Variants in TMEFF1 observed in about 807,000 individuals in gnomAD.
TMEFF1 encodes tomoregulin-1.
A neutral mutation model predicts 47.5 loss-of-function variants in TMEFF1; 20 were observed. The ratio of observed to expected loss-of-function variants is 0.42; its 90% CI spans 0.30 to 0.61. The LOEUF (loss-of-function observed/expected upper bound fraction) is 0.61, where lower values mean the gene tolerates loss of function less well. TMEFF1 is among the 20% of genes least tolerant of loss of function. The pLI is 0.19. For missense variants in TMEFF1, 411 were observed against 471.1 expected, an observed-to-expected ratio of 0.87 and a Z score of 1.18; for synonymous variants, 162 against 166.3, an observed-to-expected ratio of 0.97 and a Z score of 0.20.
At chr9:100,494,167 A>G (rs933595840) in intron 1 of TMEFF1, among the ~76,000 whole-genome samples, 1 of 147,144 alleles carries the variant, frequency 6.8e-6, no homozygotes, top group Non-Finnish European at 1.5e-5. Context: ...TGTTCACACC[A>G]CTGCACTCCA....
intron 1 of TMEFF1, among the ~76,000 whole-genome samples, chr9:100,482,789 C>T (rs1444358340): frequency 6.6e-6 from 1 of 152,084 alleles, no homozygotes; most frequent in South Asian, 2.1e-4. Context: ...GATGGGAGAC[C>T]TTATTTCTCC....
At position 100,519,506 on chromosome 9, in the gene TMEFF1, G is replaced by A. The variant is rs184737940; in HGVS notation, c.560+2735G>A. Among the ~76,000 whole-genome samples, 31 of 152,068 alleles carry A rather than the reference G, an allele frequency of 2.0e-4. 1 individual carries two copies. The highest frequency in any genetic ancestry group is 7.2e-4 in the Admixed American group (11 of 15,286). On this transcript the variant is annotated intron_variant, in intron 5 of 9. Transcript: ENST00000374879. ...AATCATTGACGACTAAAGTCAGAGG[G>A]TTTGATGTGGGTATATTCTTCTAAT...
At chr9:100,501,167 C>G (rs545659769) in intron 2 of TMEFF1, among the ~76,000 whole-genome samples, 7 of 152,068 alleles carry the variant, frequency 4.6e-5, no homozygotes, top group African/African-American at 1.7e-4. Context: ...TGGGGAAGAC[C>G]GGGGCTGTTC....
chr9:100,513,476 A>T, intron 4 of TMEFF1, 143 bp downstream of exon 4: 2 of 1,049,976 alleles, frequency 1.9e-6, no homozygotes, highest in Non-Finnish European at 1.3e-6. Context: ...AAATTCAGTG[A>T]CTTTTAGTAA....
At position 100,509,264 on chromosome 9, in the gene TMEFF1, G is replaced by A. The variant is rs1238852078; in HGVS notation, c.436+130G>A. On this transcript the variant is annotated intron_variant, in intron 3 of 9. Transcript: ENST00000374879. ...GGTGGTGGTTGTTGCGGGGAGTAGG[G>A]GAAATCTTTTTTGCCCTCATTTCAG... 3.9e-6 allele frequency: 5 copies of A among 1,279,930 alleles called. No individual in the cohort carries two copies. In the African/African-American group the frequency reaches 4.6e-5, roughly 12 times the overall value. The allele number at this position is 1,279,930 out of a possible 1,614,324, so 79.3% of individuals were successfully genotyped here. A position where few individuals can be genotyped will look rare whatever the true frequency, so the allele number is the denominator to read the frequency against.
intron 2 of TMEFF1, among the ~76,000 whole-genome samples, chr9:100,502,656 C>T (rs1173679669): frequency 6.6e-6 from 1 of 152,156 alleles, no homozygotes; most frequent in Non-Finnish European, 1.5e-5. Context: ...GCTGCTATGC[C>T]CAGCCCTGCT....
intron 5 of TMEFF1, among the ~76,000 whole-genome samples, chr9:100,522,750 T>C (rs1259707735): frequency 4.0e-5 from 6 of 151,608 alleles, no homozygotes; most frequent in Non-Finnish European, 2.9e-5. Context: ...GAAATATCTT[T>C]TTGAGACCAA....
chr9:100,539,623 G>A lies in TMEFF1; in HGVS notation c.561-8121G>A, dbSNP rs530714551. On this transcript the variant is annotated intron_variant, in intron 5 of 9. Coordinates refer to ENST00000374879, the MANE Select transcript of TMEFF1 (RefSeq NM_003692.5). ...CAGGAGTGAAGCTGCAGACCTTCGC[G>A]GTGAGTGTTACAGCTCATAAAGGTG... is the stretch of plus-strand genomic sequence containing the variant. Among the ~76,000 whole-genome samples, 4 of 152,236 alleles carry A rather than the reference G, an allele frequency of 2.6e-5. No individual in the cohort carries two copies. The East Asian group carries it at 5.8e-4, about 22-fold the overall frequency.
chr9:100,558,987 C>T (rs573641772), intron 7 of TMEFF1, among the ~76,000 whole-genome samples: 3 of 152,174 alleles, frequency 2.0e-5, no homozygotes, highest in South Asian at 2.1e-4. Context: ...CTTTGGGTCA[C>T]ACAGCTAGAG....
intron 5 of TMEFF1, among the ~76,000 whole-genome samples, chr9:100,542,638 A>G (rs555891354): frequency 6.6e-6 from 1 of 152,316 alleles, no homozygotes; most frequent in South Asian, 2.1e-4. Context: ...TTTCCCTGTT[A>G]TTCTTACTTC....
At chr9:100,575,608 C>G (rs929769480) in intron 9 of TMEFF1, among the ~76,000 whole-genome samples, 1 of 152,142 alleles carries the variant, frequency 6.6e-6, no homozygotes, top group Non-Finnish European at 1.5e-5. Flanking sequence ...AAGCTGTACT[C>G]TTTGAAATCG....
chr9:100,550,343 A>G (rs1257811299), intron 7 of TMEFF1, among the ~76,000 whole-genome samples, 183 bp downstream of exon 7: 1 of 152,208 alleles, frequency 6.6e-6, no homozygotes, highest in Non-Finnish European at 1.5e-5. Context: ...TCATTTTATA[A>G]GGTACTCTCA....
At chr9:100,499,562 A>G (rs1362499805) in intron 2 of TMEFF1, among the ~76,000 whole-genome samples, 2 of 152,154 alleles carry the variant, frequency 1.3e-5, no homozygotes, top group Non-Finnish European at 2.9e-5. Flanking sequence ...TCCACTCACA[A>G]TTTTATTCTA....
chr9:100,481,867 C>T (rs1480941772), intron 1 of TMEFF1, among the ~76,000 whole-genome samples: 1 of 152,078 alleles, frequency 6.6e-6, no homozygotes, highest in Non-Finnish European at 1.5e-5. Flanking sequence ...GTGCAACCTC[C>T]GCCTCCCAGG....
chr9:100,517,444 C>T (rs1487929670), intron 5 of TMEFF1, among the ~76,000 whole-genome samples: 1 of 152,012 alleles, frequency 6.6e-6, no homozygotes, highest in Non-Finnish European at 1.5e-5. Flanking sequence ...GTGTATTTTC[C>T]AGTTCCGTAT....
intron 4 of TMEFF1, among the ~76,000 whole-genome samples, chr9:100,515,613 C>T (rs535254936): frequency 6.6e-6 from 1 of 151,978 alleles, no homozygotes. Flanking sequence ...TAGTGAAACC[C>T]CGTCTCTACT....
At chr9:100,487,769 CTT>C (rs36068037) in intron 1 of TMEFF1, among the ~76,000 whole-genome samples, 28,850 of 145,120 alleles carry the variant, frequency 0.2, 3,169 homozygotes, top group African/African-American at 0.29. Context: ...TATTATACTC[CTT>C]TTTTTTTTTT....
chr9:100,574,497 G>C (rs540927264), intron 9 of TMEFF1, among the ~76,000 whole-genome samples: 2 of 151,898 alleles, frequency 1.3e-5, no homozygotes, highest in African/African-American at 4.8e-5. Context: ...TCAACCTCCC[G>C]AGTAGCTGAG....
Position 100,562,019 on chromosome 9 carries a change from A to C in TMEFF1, c.899+499A>C, listed in dbSNP as rs995210947. On this transcript the variant is annotated intron_variant, in intron 8 of 9. Coordinates refer to ENST00000374879, the MANE Select transcript of TMEFF1 (RefSeq NM_003692.5). ...ATGTAACTTGTTCAAGGTCAACAGC[A>C]AGTTAGAAATAGAGCTGGGAAAAAA... is the stretch of plus-strand genomic sequence containing the variant. 3.9e-5 allele frequency among the ~76,000 whole-genome samples: 6 copies of C among 152,288 alleles called. No homozygotes were observed. In the South Asian group the frequency reaches 1.0e-3, roughly 26 times the overall value.
Sources: gnomAD v4.1 joint callset for allele counts (sites outside exome capture counted in the v4.1 genomes callset) on GRCh38, gnomAD v4.1.1 for gene constraint, MANE v1.5 for transcripts, NCBI Gene and HGNC (gene_info 2026-07-23, HGNC 2026-07-21) for gene names.